The following ADK variants were observed in gnomAD, a reference collection of about 807,000 sequenced individuals.
ADK encodes adenosine kinase.
ADK carries 24 observed loss-of-function variants against 44.7 expected under a neutral mutation model. That is an observed-to-expected ratio of 0.54 (90% confidence interval 0.39 to 0.76). The LOEUF (loss-of-function observed/expected upper bound fraction) is 0.76, where lower values mean the gene tolerates loss of function less well. Among genes scored for constraint, ADK ranks in the 30% least tolerant of loss-of-function variants. The pLI is 0.00. For missense variants in ADK, 321 were observed against 425.1 expected (o/e 0.76, Z 2.15); for synonymous variants, 128 against 142.6 (o/e 0.90, Z 0.73).
rs1028461290 is a variant in ADK, at chr10:74,387,660, C to T, written c.274-6481C>T. The stretch of plus-strand genomic sequence containing the variant: ...CCCCTCCACTGCAGTTGATCTCTCT[C>T]ATGGGTATTTTCCAGTAATATGCTG... On this transcript the variant is annotated intron_variant, in intron 4 of 10. Coordinates refer to ENST00000539909, the MANE Select transcript of ADK (RefSeq NM_006721.4). Among the ~76,000 whole-genome samples the T allele has an allele frequency of 5.9e-5, 9 of 152,154 alleles. No homozygotes were observed. In the South Asian group the frequency reaches 1.4e-3, roughly 24 times the overall value.
chr10:74,677,461 C>T lies in ADK; in HGVS notation c.964+7192C>T, dbSNP rs1020246993. On this transcript the variant is annotated intron_variant, in intron 10 of 10. Coordinates refer to ENST00000539909, the MANE Select transcript of ADK (RefSeq NM_006721.4). ...GGTCCCAAACATTTATAGCTTCCTT[C>T]CCCATTCTTCTTAATTGCTGCTTCA... Among the ~76,000 whole-genome samples the T allele has an allele frequency of 2.0e-5, 3 of 152,148 alleles. No homozygotes were observed. The East Asian group carries it at 5.8e-4, about 29-fold the overall frequency.
At chr10:74,347,106 CAAA>C (rs58074760) in intron 4 of ADK, among the ~76,000 whole-genome samples, 24 of 92,286 alleles carry the variant, frequency 2.6e-4, no homozygotes, top group African/African-American at 1.4e-3. Context: ...CACTCTGTCT[CAAA>C]AAAAAAAAAA....
intron 4 of ADK, among the ~76,000 whole-genome samples, chr10:74,338,114 T>TAACAACAAC (rs77774358): frequency 3.3e-5 from 5 of 150,782 alleles, no homozygotes; most frequent in African/African-American, 9.7e-5. Flanking sequence ...ATTTCTAGGA[T>TAACAACAAC]AACAACAACA....
At chr10:74,668,948 A>T (rs10740442) in intron 9 of ADK, among the ~76,000 whole-genome samples, 3 of 150,192 alleles carry the variant, frequency 2.0e-5, no homozygotes, top group African/African-American at 4.9e-5. Flanking sequence ...CACAGGAGGC[A>T]GAGAGAATCC....
At chr10:74,679,838 A>G (rs1474724047) in intron 10 of ADK, among the ~76,000 whole-genome samples, 1 of 151,956 alleles carries the variant, frequency 6.6e-6, no homozygotes, top group Non-Finnish European at 1.5e-5. Context: ...GTGGGTGCCT[A>G]TAATCCCAGC....
chr10:74,563,327 G>A (rs1850530544), intron 7 of ADK, among the ~76,000 whole-genome samples: 1 of 152,118 alleles, frequency 6.6e-6, no homozygotes, highest in Non-Finnish European at 1.5e-5. Flanking sequence ...ATCATGTTCA[G>A]TGTTACTCAC....
At chr10:74,541,794 A>AC (rs543189156) in intron 7 of ADK, among the ~76,000 whole-genome samples, 17,597 of 63,630 alleles carry the variant, frequency 0.28, 3,227 homozygotes, top group Middle Eastern at 0.38. Flanking sequence ...ACCCCCACAC[A>AC]CCCCCCCCCC....
At chr10:74,702,787 C>T (rs964222666) in intron 10 of ADK, among the ~76,000 whole-genome samples, 6 of 151,808 alleles carry the variant, frequency 4.0e-5, no homozygotes, top group East Asian at 1.9e-4. Flanking sequence ...TTAGTAGAGA[C>T]GAGGTTTCAC....
intron 6 of ADK, among the ~76,000 whole-genome samples, chr10:74,465,648 A>G (rs1266234793): frequency 2.6e-5 from 4 of 152,270 alleles, no homozygotes; most frequent in African/African-American, 9.6e-5. Context: ...TTAAGATACA[A>G]TCAGGCTCTG....
intron 6 of ADK, among the ~76,000 whole-genome samples, chr10:74,430,519 C>A (rs1844946554): frequency 6.6e-6 from 1 of 152,052 alleles, no homozygotes; most frequent in Non-Finnish European, 1.5e-5. Context: ...TTTTAGGAGG[C>A]CGAGATGAGA....
chr10:74,316,384 T>C (rs1047334397), intron 4 of ADK, among the ~76,000 whole-genome samples: 2 of 152,178 alleles, frequency 1.3e-5, no homozygotes, highest in Non-Finnish European at 2.9e-5. Flanking sequence ...CCAAATCTAA[T>C]CTTGAATTGT....
At chr10:74,437,594 C>G (rs895514296) in intron 6 of ADK, among the ~76,000 whole-genome samples, 1 of 152,296 alleles carries the variant, frequency 6.6e-6, no homozygotes, top group South Asian at 2.1e-4. Context: ...TCAGCAATTA[C>G]CATTCTATTA....
chr10:74,433,948 T>A (rs1053953138), intron 6 of ADK, among the ~76,000 whole-genome samples: 1 of 152,124 alleles, frequency 6.6e-6, no homozygotes, highest in East Asian at 1.9e-4. Context: ...GTTATATTAG[T>A]CTAGGTTGAG....
In ADK at chr10:74,708,748, T is replaced by C. The variant is rs545369910; in HGVS notation, c.*303T>C. Reference sequence around the variant, plus strand: ...CAATTACTTTGTAAATTCGTGTGTATTTAGTACACTGATTTGTTTTTTTAC... The same window carrying C: ...CAATTACTTTGTAAATTCGTGTGTACTTAGTACACTGATTTGTTTTTTTAC... On this transcript the variant is annotated 3_prime_UTR_variant, in exon 11 of 11. Coordinates refer to ENST00000539909, the MANE Select transcript of ADK (RefSeq NM_006721.4). 1.6e-4 allele frequency: 44 copies of C among 279,618 alleles called. No individual in the cohort carries two copies. Among genetic ancestry groups the C allele is most frequent in the African/African-American group, 9.7e-4 (44 of 45,218 alleles). The allele number at this position is 279,618 out of a possible 1,614,324, so 17.3% of individuals were successfully genotyped here.
chr10:74,552,598 C>CT (rs1850072966), intron 7 of ADK, among the ~76,000 whole-genome samples: 1 of 149,134 alleles, frequency 6.7e-6, no homozygotes, highest in Non-Finnish European at 1.5e-5. Flanking sequence ...AAATGAATGC[C>CT]TTAATAAAGC....
intron 1 of ADK, among the ~76,000 whole-genome samples, chr10:74,185,381 A>T (rs1842708700): frequency 6.6e-6 from 1 of 152,146 alleles, no homozygotes; most frequent in Non-Finnish European, 1.5e-5. Flanking sequence ...AAAATAGATG[A>T]TGCTTGACAG....
intron 7 of ADK, among the ~76,000 whole-genome samples, chr10:74,561,336 A>G (rs959879219): frequency 1.6e-4 from 25 of 152,364 alleles, no homozygotes; most frequent in Non-Finnish European, 8.8e-5. Context: ...CAAACCTGAT[A>G]GCACAGTGTG....
At chr10:74,235,392 T>G (rs138640055) in intron 3 of ADK, among the ~76,000 whole-genome samples, 2 of 152,244 alleles carry the variant, frequency 1.3e-5, no homozygotes, top group African/African-American at 4.8e-5. Context: ...TGGAGTTGAG[T>G]GGCATGATCA....
chr10:74,199,102 C>T (rs950749652), intron 1 of ADK, among the ~76,000 whole-genome samples: 14 of 152,172 alleles, frequency 9.2e-5, no homozygotes, highest in Admixed American at 3.3e-4. Context: ...TATATCACTT[C>T]TGATATCCAT....
Sources: allele counts gnomAD v4.1 joint callset (sites outside exome capture counted in the v4.1 genomes callset), GRCh38; gene constraint gnomAD v4.1.1; transcripts MANE v1.5; gene names NCBI Gene and HGNC (gene_info 2026-07-23, HGNC 2026-07-21).